Variants in NBPF20 observed in about 807,000 individuals in gnomAD.
NBPF20 encodes the protein NBPF family member NBPF20.
NBPF20 carries 90 observed loss-of-function variants against 68.1 expected under a neutral mutation model. That is an observed-to-expected ratio of 1.32 (90% CI 1.11 to 1.58). The LOEUF (loss-of-function observed/expected upper bound fraction) is 1.58, where lower values mean the gene tolerates loss of function less well. Among genes scored for constraint, NBPF20 ranks in the 40% most tolerant of loss-of-function variants. The pLI is 0.00. For missense variants in NBPF20, 816 were observed against 601.2 expected, an observed-to-expected ratio of 1.36 and a Z score of -3.74; for synonymous variants, 290 against 228.1, an observed-to-expected ratio of 1.27 and a Z score of -2.45.
chr1:145,398,544 A>G (rs1662367822), intron 7 of NBPF20, among the ~76,000 whole-genome samples: 2 of 152,324 alleles, frequency 1.3e-5, no homozygotes, highest in Non-Finnish European at 1.5e-5. Flanking sequence ...ACAAAGACAC[A>G]ACATATCAGA....
rs1662499597 is a variant in NBPF20 at position 145,401,058 on chromosome 1, C to G, written c.566+1G>C. The G allele has an allele frequency of 1.2e-6, 2 of 1,606,788 alleles. No homozygotes were observed. Among genetic ancestry groups the G allele is most frequent in the Non-Finnish European group, 1.7e-6 (2 of 1,178,454 alleles). ...AATTGTTCCTGAGTATTCAGTGTTA[C>G]CTGGGGGCAGACGATTTCTGCACTT... On this transcript the variant is annotated splice_donor_variant, in intron 5 of 137. Transcript: ENST00000369373. LOFTEE classifies it high-confidence loss of function.
At chr1:145,421,671 A>G in the NBPF20 span, among the ~76,000 whole-genome samples, 1 of 152,260 alleles carries the variant, frequency 6.6e-6, no homozygotes, top group Non-Finnish European at 1.5e-5. Flanking sequence ...AATAACAACA[A>G]TGAATACTAT....
At chr1:145,393,607 A>G in intron 9 of NBPF20, 1 of 693,596 alleles carries the variant, frequency 1.4e-6, no homozygotes, top group East Asian at 2.7e-5. Context: ...TGTCCTCAAT[A>G]ATTTTGCATA....
chr1:145,291,338 A>C (rs1661063179), exon 138 of NBPF20: 3 of 1,004,212 alleles, frequency 3.0e-6, no homozygotes, highest in Admixed American at 2.5e-5. Context: ...GTCACACCTA[A>C]CGTGGGTCCA....
At chr1:145,292,179 C>A (rs191169078) in intron 137 of NBPF20, among the ~76,000 whole-genome samples, 9 of 149,948 alleles carry the variant, frequency 6.0e-5, no homozygotes, top group African/African-American at 2.0e-4. Context: ...GAAGTATGGT[C>A]AACCTATGGC....
the NBPF20 span, among the ~76,000 whole-genome samples, chr1:145,425,367 G>C: frequency 6.6e-6 from 1 of 152,028 alleles, no homozygotes; most frequent in Non-Finnish European, 1.5e-5. Context: ...GAAACGCTGG[G>C]TGGACTTCGC....
At position 145,390,357 on chromosome 1, in the gene NBPF20, GAC is replaced by G. The variant is rs1204303048; in HGVS notation, c.1494-243_1494-242del. Among the ~76,000 whole-genome samples the G allele has an allele frequency of 1.6e-4, 10 of 61,222 alleles. 1 individual carries two copies. Among genetic ancestry groups the G allele is most frequent in the African/African-American group, 2.2e-4 (2 of 9,208 alleles). 40.2% of individuals were successfully genotyped at this position (61,222 alleles called of 152,430 possible). A position where few individuals can be genotyped will look rare whatever the true frequency, so the allele number is the denominator to read the frequency against. ...ACACACACACACAGACACACACACA[GAC>G]ACACACACACACAGAGAGAGAACGA... On this transcript the variant is annotated intron_variant, in intron 13 of 137. Transcript: ENST00000369373.
chr1:145,410,777 TATAC>T, the NBPF20 span, among the ~76,000 whole-genome samples: 1 of 132,686 alleles, frequency 7.5e-6, no homozygotes, highest in Non-Finnish European at 1.6e-5. Flanking sequence ...TATATATATA[TATAC>T]ACACACATAT....
chr1:145,408,646 C>T (rs1553668306), upstream of NBPF20, among the ~76,000 whole-genome samples: 1 of 151,770 alleles, frequency 6.6e-6, no homozygotes, highest in Non-Finnish European at 1.5e-5. Flanking sequence ...TTTCAAATTT[C>T]TCTAAAATCT....
In NBPF20 at chr1:145,400,705, G is replaced by C. The variant is rs1423578562; in HGVS notation, c.567-111C>G. ...GGCATTAAGAGAGTGGTCCCAGAAA[G>C]CAAAATGGAGGTTCCCATTAAGGGG... On this transcript the variant is annotated intron_variant, in intron 5 of 137. Coordinates refer to ENST00000369373, the Ensembl canonical transcript of NBPF20. The C allele has an allele frequency of 7.4e-6, 11 of 1,477,614 alleles. No individual in the cohort carries two copies. In the East Asian group the frequency reaches 2.5e-4, roughly 33 times the overall value. 91.5% of individuals were successfully genotyped at this position (1,477,614 alleles called of 1,614,324 possible).
chr1:145,402,300 G>C, exon 4 of NBPF20: 1 of 1,610,430 alleles, frequency 6.2e-7, no homozygotes, highest in South Asian at 1.1e-5. Flanking sequence ...TCAATGAGCG[G>C]GAGGCATCTC....
chr1:145,419,101 G>A, the NBPF20 span, among the ~76,000 whole-genome samples: 37 of 107,318 alleles, frequency 3.4e-4, no homozygotes, highest in African/African-American at 7.2e-4. Context: ...GGAAGGAAGG[G>A]AGGGAGGGAG....
exon 6 of NBPF20, chr1:145,400,454 A>C (rs1662467479): frequency 6.2e-7 from 1 of 1,612,974 alleles, no homozygotes; most frequent in African/African-American, 1.3e-5. Context: ...AGTTGAGTCG[A>C]CTTTGTCTTC....
chr1:145,394,957 C>A lies in NBPF20; in HGVS notation c.991+21G>T, dbSNP rs1252088322. 4 of 1,611,990 alleles carry A rather than the reference C, an allele frequency of 2.5e-6. No homozygotes were observed. The East Asian group carries it at 8.9e-5, about 36-fold the overall frequency. On this transcript the variant is annotated intron_variant, in intron 8 of 137. Coordinates refer to ENST00000369373, the Ensembl canonical transcript of NBPF20. Reference sequence around the variant, plus strand: ...TGGGCCATGAACTGGAGCTTTATCACCTTCACAGTGTAGTACTCACTGCCT... The same window carrying A: ...TGGGCCATGAACTGGAGCTTTATCAACTTCACAGTGTAGTACTCACTGCCT...
chr1:145,404,266 T>C (rs587698829), intron 2 of NBPF20, among the ~76,000 whole-genome samples: 4 of 48,484 alleles, frequency 8.3e-5, no homozygotes, highest in East Asian at 1.2e-3. Context: ...TATCTTTTTG[T>C]TTGTTTGTTT....
chr1:145,311,755 T>A (rs1661486591), intron 112 of NBPF20, among the ~76,000 whole-genome samples: 1 of 40,248 alleles, frequency 2.5e-5, no homozygotes, highest in Non-Finnish European at 3.8e-5. Context: ...TTATGCCATA[T>A]TTTTCCAATC....
chr1:145,411,418 G>T, the NBPF20 span, among the ~76,000 whole-genome samples: 16 of 107,778 alleles, frequency 1.5e-4, no homozygotes, highest in Admixed American at 8.5e-4. Context: ...TTGAGACAGA[G>T]TCTTGCTCTG....
At chr1:145,417,621 CA>C in the NBPF20 span, among the ~76,000 whole-genome samples, 1,701 of 53,152 alleles carry the variant, frequency 0.032, 15 homozygotes, top group South Asian at 0.074. Flanking sequence ...CAACACAAAG[CA>C]AAAAAAAAAA....
At chr1:145,419,208 A>G in the NBPF20 span, among the ~76,000 whole-genome samples, 3 of 149,082 alleles carry the variant, frequency 2.0e-5, no homozygotes, top group Admixed American at 2.0e-4. Context: ...GAGAGAGAAA[A>G]AGAGTGGGAG....
Sources: gnomAD v4.1 joint callset for allele counts (sites outside exome capture counted in the v4.1 genomes callset) on GRCh38, gnomAD v4.1.1 for gene constraint, MANE v1.5 for transcripts, NCBI Gene and HGNC (gene_info 2026-07-23, HGNC 2026-07-21) for gene names.